The following MVK variants were observed in gnomAD, a reference collection of about 807,000 sequenced individuals.
The protein encoded by MVK is mevalonate kinase, also known as LH receptor mRNA-binding protein.
A neutral mutation model predicts 43.2 loss-of-function variants in MVK; 34 were observed. The observed-to-expected ratio is 0.79, with a 90% CI of 0.60 to 1.05. The LOEUF (loss-of-function observed/expected upper bound fraction) is 1.05, where lower values mean the gene tolerates loss of function less well. Among genes scored for constraint, MVK ranks in the 50% least tolerant of loss-of-function variants. MVK has a pLI of 0.00. For missense variants in MVK, 395 were observed against 504.0 expected (o/e 0.78, Z 2.07); for synonymous variants, 190 against 219.8 (o/e 0.86, Z 1.20).
chr12:109,585,936 C>G, intron 5 of MVK, 86 bp from the exon 6 acceptor site: 1 of 1,087,086 alleles, frequency 9.2e-7, no homozygotes, highest in Non-Finnish European at 1.4e-6. Flanking sequence ...TCCTATGCCC[C>G]TTGGCCTGCC....
At chr12:109,582,111 G>C (rs1885243924) in intron 5 of MVK, among the ~76,000 whole-genome samples, 1 of 152,182 alleles carries the variant, frequency 6.6e-6, no homozygotes, top group South Asian at 2.1e-4. Context: ...TTGACCACGT[G>C]AGTCAGTGAG....
intron 3 of MVK, among the ~76,000 whole-genome samples, chr12:109,578,803 A>G (rs1442437092): frequency 6.6e-6 from 1 of 152,178 alleles, no homozygotes; most frequent in Non-Finnish European, 1.5e-5. Context: ...GTCCCTTGAG[A>G]ATGTGACCTG....
chr12:109,595,206 G>T lies in MVK; in HGVS notation c.1039+25G>T. 1 of 1,613,396 alleles carries T rather than the reference G, an allele frequency of 6.2e-7. No individual in the cohort carries two copies. On this transcript the variant is annotated intron_variant, in intron 10 of 10. Coordinates refer to ENST00000228510, the MANE Select transcript of MVK (RefSeq NM_000431.4). This position sits in a 1 kb window ranked among gnomAD's most constrained non-coding sequence, Gnocchi z 5.9. The stretch of plus-strand genomic sequence containing the variant: ...GGTATCCCGGGGGTAGGTGGGCCAG[G>T]CTGCCAGCCTGGGCTCCTAAGAGGG...
intron 8 of MVK, 61 bp from the exon 9 acceptor site, chr12:109,591,180 C>A: frequency 6.7e-7 from 1 of 1,489,850 alleles, no homozygotes; most frequent in Non-Finnish European, 9.4e-7. Context: ...ACTGCTGGGG[C>A]AGCTGTCCTG....
intron 8 of MVK, 105 bp downstream of exon 8, chr12:109,590,966 G>A: frequency 8.2e-7 from 1 of 1,226,292 alleles, no homozygotes; most frequent in Non-Finnish European, 1.2e-6. Context: ...GGGGTGTGGT[G>A]GGTGGTGGGG....
At chr12:109,591,516 G>A (rs1034362754) in intron 9 of MVK, among the ~76,000 whole-genome samples, 159 bp downstream of exon 9, 16 of 152,226 alleles carry the variant, frequency 1.1e-4, no homozygotes, top group Admixed American at 2.6e-4. Flanking sequence ...AGGTCTGTGC[G>A]TGCCATATAA....
In MVK at chr12:109,579,916, A is replaced by G. The variant is rs745405090; in HGVS notation, c.341A>G (p.Tyr114Cys). ...CGCCTGGCTGTGCTGGCCTTTCTTT[A>G]CTTATACCTGTCCATCTGCCGGAAG... The part of the protein sequence containing the change: ...TERLAVLAFL[Y>C]LYLSICRKQR... Residue 114 changes from tyrosine (Y) to cysteine (C), a missense_variant, in exon 4 of 11, where the codon TAC (tyrosine) becomes TGC (cysteine). Transcript: ENST00000228510. 76 of 1,614,032 alleles carry G rather than the reference A, an allele frequency of 4.7e-5. No homozygotes were observed. The highest frequency in any genetic ancestry group is 4.2e-5 in the Non-Finnish European group (49 of 1,180,018).
intron 2 of MVK, among the ~76,000 whole-genome samples, chr12:109,575,470 A>G (rs1215106831): frequency 2.0e-5 from 3 of 151,352 alleles, no homozygotes; most frequent in South Asian, 2.1e-4. Context: ...CCGGAGTGCA[A>G]TCTTGCGATC....
At chr12:109,574,782 G>T in intron 1 of MVK, 27 bp from the exon 2 acceptor site, 1 of 1,539,924 alleles carries the variant, frequency 6.5e-7, no homozygotes, top group Non-Finnish European at 8.8e-7. Flanking sequence ...AGAGATCTTT[G>T]CTCTTCTCAT....
At chr12:109,574,034 A>T (rs1024439463) in intron 1 of MVK, among the ~76,000 whole-genome samples, 161 bp downstream of exon 1, 2 of 152,224 alleles carry the variant, frequency 1.3e-5, no homozygotes, top group African/African-American at 4.8e-5. Context: ...TGAGCTTGAC[A>T]AGCAAGGGGA....
chr12:109,596,771 A>G lies in MVK; in HGVS notation c.*194A>G, dbSNP rs575129577. Reference sequence around the variant, plus strand: ...TAGGGAGGCATGGTCTGCCCTCTGCATCCTCTGGAGCCAGCCGAGCAGGAG... The same window carrying G: ...TAGGGAGGCATGGTCTGCCCTCTGCGTCCTCTGGAGCCAGCCGAGCAGGAG... On this transcript the variant is annotated 3_prime_UTR_variant, in exon 11 of 11. Transcript: ENST00000228510. 4.7e-4 allele frequency: 382 copies of G among 804,234 alleles called. No individual in the cohort carries two copies. In the African/African-American group the frequency reaches 5.9e-3, roughly 12 times the overall value. 49.8% of individuals were successfully genotyped at this position (804,234 alleles called of 1,614,324 possible).
rs369710647 is a variant in MVK, at chr12:109,597,574, G to A, written c.*997G>A. 1 of 152,210 alleles carries A rather than the reference G, an allele frequency of 6.6e-6. No individual in the cohort carries two copies. Among genetic ancestry groups the A allele is most frequent in the Admixed American group, 6.5e-5 (1 of 15,280 alleles). 9.4% of individuals were successfully genotyped at this position (152,210 alleles called of 1,614,324 possible). ...AAGCAGAACCTGCCATCGCTCCTGG[G>A]GCGCGCCTTCCTTTCTGAAATGAAC... On this transcript the variant is annotated 3_prime_UTR_variant, in exon 11 of 11. Coordinates refer to ENST00000228510, the MANE Select transcript of MVK (RefSeq NM_000431.4).
At position 109,574,880 on chromosome 12, in the gene MVK, C is replaced by A. The variant is rs11544299; in HGVS notation, c.58C>A (p.His20Asn). Reference sequence around the variant, plus strand: ...GGGGAAAGTCATCCTTCATGGAGAACATGCCGTGGTACATGGCAAGGTACA... The same window carrying A: ...GGGGAAAGTCATCCTTCATGGAGAAAATGCCGTGGTACATGGCAAGGTACA... The part of the protein sequence containing the change: ...APGKVILHGE[H>N]AVVHGKVALA... The change falls in exon 2 of 11, where the codon CAT (histidine) becomes AAT (asparagine). Residue 20 changes from histidine to asparagine, a missense_variant. Transcript: ENST00000228510. 3.7e-6 allele frequency: 6 copies of A among 1,609,990 alleles called. No individual in the cohort carries two copies. Among genetic ancestry groups the A allele is most frequent in the Admixed American group, 1.7e-5 (1 of 59,512 alleles).
intron 9 of MVK, 145 bp from the exon 10 acceptor site, chr12:109,594,883 T>C: frequency 1.1e-6 from 1 of 899,992 alleles, no homozygotes; most frequent in Non-Finnish European, 1.8e-6. Flanking sequence ...CTTTTACAAG[T>C]GGAGAGGGCC....
At chr12:109,593,718 T>C (rs2136250461) in intron 9 of MVK, among the ~76,000 whole-genome samples, 1 of 136,118 alleles carries the variant, frequency 7.3e-6, no homozygotes, top group East Asian at 2.1e-4. Context: ...AGAAGCAGAT[T>C]TTTTTTTTTT....
chr12:109,593,823 TC>T (rs1885795754), intron 9 of MVK, among the ~76,000 whole-genome samples: 1 of 149,686 alleles, frequency 6.7e-6, no homozygotes, highest in South Asian at 2.1e-4. Flanking sequence ...GTTCAAATGA[TC>T]CTCGTGCCGC....
Position 109,596,626 on chromosome 12 carries a change from AT to A in MVK, c.*51del. 6.3e-7 allele frequency: 1 copy of A among 1,584,420 alleles called. No homozygotes were observed. The highest frequency in any genetic ancestry group is 8.6e-7 in the Non-Finnish European group (1 of 1,168,728). Reference sequence around the variant, plus strand: ...CCACCCAGATGCCCCTTTCTGGATTATTCTGGGGGCTGCAGTTCGACTCTGT... The same window carrying A: ...CCACCCAGATGCCCCTTTCTGGATTATCTGGGGGCTGCAGTTCGACTCTGT... On this transcript the variant is annotated 3_prime_UTR_variant, in exon 11 of 11. Transcript: ENST00000228510.
At chr12:109,593,151 C>T (rs1359326295) in intron 9 of MVK, among the ~76,000 whole-genome samples, 7 of 152,236 alleles carry the variant, frequency 4.6e-5, no homozygotes, top group African/African-American at 1.7e-4. Context: ...GCCTCGGCAA[C>T]GTGACACCTG....
At chr12:109,590,705 TC>T in intron 7 of MVK, 65 bp from the exon 8 acceptor site, 1 of 1,482,704 alleles carries the variant, frequency 6.7e-7, no homozygotes, top group Non-Finnish European at 9.4e-7. Flanking sequence ...CCCGGACTGC[TC>T]CCAGTCCTGT....
Sources: allele counts gnomAD v4.1 joint callset (sites outside exome capture counted in the v4.1 genomes callset), GRCh38; gene constraint gnomAD v4.1.1; non-coding constraint Gnocchi (gnomAD v3.1); transcripts MANE v1.5; gene names NCBI Gene and HGNC (gene_info 2026-07-23, HGNC 2026-07-21).